Variants in UVRAG observed in about 807,000 individuals in gnomAD.
The protein encoded by UVRAG is UV radiation resistance-associated gene protein.
UVRAG carries 19 observed loss-of-function variants against 78.0 expected under a neutral mutation model. The ratio of observed to expected loss-of-function variants is 0.24; its 90% CI spans 0.17 to 0.36. UVRAG has a LOEUF of 0.36. Among genes scored for constraint, UVRAG ranks in the 10% least tolerant of loss-of-function variants. The pLI is 1.00. For synonymous variants in UVRAG, 323 were observed against 324.6 expected (o/e 1.00, Z 0.05); for missense variants, 740 against 853.8 (o/e 0.87, Z 1.66).
At chr11:76,027,709 A>G (rs1950354546) in intron 12 of UVRAG, among the ~76,000 whole-genome samples, 1 of 152,162 alleles carries the variant, frequency 6.6e-6, no homozygotes, top group Non-Finnish European at 1.5e-5. Flanking sequence ...GAGCTTTGCA[A>G]TAGGAATCCT....
rs770357399 is a variant in UVRAG, at chr11:75,815,243, ACGGCGGCAGCGGCGGCAG to A, written c.-157_-140del. 8 of 451,122 alleles carry A rather than the reference ACGGCGGCAGCGGCGGCAG, an allele frequency of 1.8e-5. No individual in the cohort carries two copies. Among genetic ancestry groups the A allele is most frequent in the Non-Finnish European group, 2.3e-5 (6 of 260,754 alleles). 27.9% of individuals were successfully genotyped at this position (451,122 alleles called of 1,614,324 possible). A position where few individuals can be genotyped will look rare whatever the true frequency, so the allele number is the denominator to read the frequency against. On this transcript the variant is annotated 5_prime_UTR_variant, in exon 1 of 15. Coordinates refer to ENST00000356136, the MANE Select transcript of UVRAG (RefSeq NM_003369.4). ...GGCTCTTCCTTAGCCAGCGGCGGCA[ACGGCGGCAGCGGCGGCAG>A]CGGCGGCGGCTACTGTCTGGGCTGA...
At chr11:76,065,975 G>A (rs959819910) in intron 13 of UVRAG, among the ~76,000 whole-genome samples, 187 bp downstream of exon 13, 3 of 152,144 alleles carry the variant, frequency 2.0e-5, no homozygotes, top group Non-Finnish European at 4.4e-5. Flanking sequence ...CTACAGAGAA[G>A]CAATGAATAC....
intron 1 of UVRAG, among the ~76,000 whole-genome samples, chr11:75,836,109 C>A (rs1012500955): frequency 5.3e-5 from 8 of 149,962 alleles, no homozygotes; most frequent in Admixed American, 6.6e-5. Context: ...AAAAAAAAAA[C>A]AAAAAAACCC....
At chr11:76,118,295 T>C (rs1392033464) in intron 14 of UVRAG, among the ~76,000 whole-genome samples, 1 of 152,214 alleles carries the variant, frequency 6.6e-6, no homozygotes, top group Admixed American at 6.5e-5. Context: ...TTAGTTACAA[T>C]AGTTTGTTTC....
intron 3 of UVRAG, among the ~76,000 whole-genome samples, chr11:75,862,634 G>A (rs145375693): frequency 7.4e-4 from 112 of 152,330 alleles, no homozygotes; most frequent in African/African-American, 2.6e-3. Flanking sequence ...GACTGAAGAG[G>A]TCTTCAAGGT....
chr11:76,021,592 A>G (rs1474182232), intron 12 of UVRAG, among the ~76,000 whole-genome samples: 1 of 152,046 alleles, frequency 6.6e-6, no homozygotes, highest in Non-Finnish European at 1.5e-5. Context: ...TAGTTTCTTA[A>G]AGATGGCAAC....
intron 12 of UVRAG, among the ~76,000 whole-genome samples, chr11:76,029,347 C>CT (rs1350258855): frequency 1.3e-5 from 2 of 150,946 alleles, no homozygotes; most frequent in African/African-American, 4.9e-5. Flanking sequence ...TTTAAGTCTT[C>CT]TTATTTAAGA....
At chr11:75,994,619 A>G (rs562025107) in intron 8 of UVRAG, among the ~76,000 whole-genome samples, 10 of 152,302 alleles carry the variant, frequency 6.6e-5, no homozygotes, top group East Asian at 1.9e-4. Context: ...TAGTCTTAAG[A>G]TATCTTTTTT....
intron 4 of UVRAG, among the ~76,000 whole-genome samples, chr11:75,887,444 G>A (rs1367273200): frequency 7.7e-6 from 1 of 130,098 alleles, no homozygotes; most frequent in East Asian, 2.4e-4. Flanking sequence ...CGTGCCTGGC[G>A]CAGGTTTTTT....
intron 6 of UVRAG, among the ~76,000 whole-genome samples, chr11:75,926,076 C>T (rs991143269): frequency 6.6e-6 from 1 of 151,830 alleles, no homozygotes; most frequent in African/African-American, 2.4e-5. Flanking sequence ...ATAAAATGAG[C>T]CAGGAATTAC....
intron 12 of UVRAG, among the ~76,000 whole-genome samples, chr11:76,051,080 A>G (rs553922691): frequency 4.5e-4 from 68 of 152,330 alleles, no homozygotes; most frequent in African/African-American, 1.6e-3. Flanking sequence ...ATATAGAATT[A>G]GGTGTCCTGA....
chr11:75,967,671 G>T (rs1170202196), intron 7 of UVRAG, among the ~76,000 whole-genome samples: 1 of 152,040 alleles, frequency 6.6e-6, no homozygotes, highest in African/African-American at 2.4e-5. Context: ...TGAACAAAAG[G>T]TTTAATTAGC....
intron 12 of UVRAG, among the ~76,000 whole-genome samples, chr11:76,018,134 G>A (rs34838517): frequency 6.6e-6 from 1 of 152,098 alleles, no homozygotes. Flanking sequence ...AGAGATCTTA[G>A]CATTGTCTGG....
chr11:75,867,508 C>A (rs1382681795), intron 3 of UVRAG, among the ~76,000 whole-genome samples: 1 of 152,124 alleles, frequency 6.6e-6, no homozygotes, highest in African/African-American at 2.4e-5. Flanking sequence ...TGTGAAATCA[C>A]AGAATTGACT....
At chr11:75,952,422 C>G (rs1276058943) in intron 6 of UVRAG, among the ~76,000 whole-genome samples, 1 of 151,500 alleles carries the variant, frequency 6.6e-6, no homozygotes, top group African/African-American at 2.4e-5. Flanking sequence ...AGGAAGCTCC[C>G]CTTTCCTCCT....
intron 1 of UVRAG, among the ~76,000 whole-genome samples, chr11:75,833,673 G>T (rs565454191): frequency 6.6e-6 from 1 of 152,268 alleles, no homozygotes; most frequent in South Asian, 2.1e-4. Context: ...ATTTACCCAC[G>T]TATTTATTAA....
At chr11:75,959,878 T>A (rs1948876901) in intron 6 of UVRAG, among the ~76,000 whole-genome samples, 1 of 152,164 alleles carries the variant, frequency 6.6e-6, no homozygotes, top group Non-Finnish European at 1.5e-5. Flanking sequence ...TCATTATTGT[T>A]GTGTCTCAGG....
chr11:76,046,970 T>TAA (rs376258918), intron 12 of UVRAG, among the ~76,000 whole-genome samples: 274 of 152,292 alleles, frequency 1.8e-3, no homozygotes, highest in African/African-American at 6.4e-3. Context: ...TTTATTTTGA[T>TAA]AAAAAAACAT....
At chr11:75,973,147 C>T (rs1329051013) in intron 7 of UVRAG, among the ~76,000 whole-genome samples, 1 of 152,164 alleles carries the variant, frequency 6.6e-6, no homozygotes, top group African/African-American at 2.4e-5. Context: ...TAGTTTCTTA[C>T]TATTAAGTAT....
Sources: gnomAD v4.1 joint callset for allele counts (sites outside exome capture counted in the v4.1 genomes callset) on GRCh38, gnomAD v4.1.1 for gene constraint, MANE v1.5 for transcripts, NCBI Gene and HGNC (gene_info 2026-07-23, HGNC 2026-07-21) for gene names.